The following KIF20B variants were observed in gnomAD, a reference collection of about 807,000 sequenced individuals.
The protein encoded by KIF20B is kinesin-like protein KIF20B.
KIF20B carries 188 observed loss-of-function variants against 232.5 expected under a neutral mutation model. That is an observed-to-expected ratio of 0.81 (90% confidence interval 0.72 to 0.91). The LOEUF is 0.91. KIF20B is among the 40% of genes least tolerant of loss of function. KIF20B has a pLI of 0.00. For missense variants in KIF20B, 2,154 were observed against 2,055.9 expected (o/e 1.05, Z -0.92); for synonymous variants, 712 against 683.0 (o/e 1.04, Z -0.66).
intron 29 of KIF20B, chr10:89,766,589 T>C (rs1284455155): frequency 6.6e-6 from 1 of 152,102 alleles, no homozygotes; most frequent in Non-Finnish European, 1.5e-5. Flanking sequence ...GTAATACTTA[T>C]TTTTAAAGTA....
intron 2 of KIF20B, among the ~76,000 whole-genome samples, chr10:89,708,474 G>C (rs1363412655): frequency 1.3e-5 from 2 of 152,132 alleles, no homozygotes; most frequent in African/African-American, 4.8e-5. Flanking sequence ...GCCTCCCAAA[G>C]TGTTGGGATT....
chr10:89,704,318 T>A (rs1842677688), intron 1 of KIF20B, among the ~76,000 whole-genome samples: 1 of 152,164 alleles, frequency 6.6e-6, no homozygotes, highest in African/African-American at 2.4e-5. Context: ...GTATTGTACA[T>A]CTAGTAGATT....
intron 18 of KIF20B, among the ~76,000 whole-genome samples, chr10:89,731,284 T>C (rs1238152805): frequency 1.3e-5 from 2 of 152,224 alleles, no homozygotes; most frequent in African/African-American, 4.8e-5. Flanking sequence ...TACCATAATA[T>C]ATTAGCAATA....
chr10:89,758,823 G>A lies in KIF20B; in HGVS notation c.4621G>A (p.Val1541Ile), dbSNP rs984746275. The stretch of plus-strand genomic sequence containing the variant: ...GCTAAAAGCACTGATATCCAGTAAT[G>A]TACAGAAAGATAATGAAATTGAACA... ...IQLKALISSN[V>I]QKDNEIEQLK... The change falls in exon 27 of 33, where the codon GTA (valine) becomes ATA (isoleucine). Residue 1541 changes from valine to isoleucine, a missense_variant. By Grantham distance (29) the Val-to-Ile change is conservative. Transcript: ENST00000371728. 5 of 1,600,436 alleles carry A rather than the reference G, an allele frequency of 3.1e-6. No individual in the cohort carries two copies. The highest frequency in any genetic ancestry group is 2.6e-6 in the Non-Finnish European group (3 of 1,173,578).
chr10:89,735,814 A>G (rs1484703854), intron 19 of KIF20B, among the ~76,000 whole-genome samples: 1 of 152,180 alleles, frequency 6.6e-6, no homozygotes, highest in Non-Finnish European at 1.5e-5. Flanking sequence ...CTGGGATTAC[A>G]GGCGTGAGCC....
chr10:89,716,562 C>T lies in KIF20B; in HGVS notation c.1052+15C>T. ...TCCAGTAGAAGGTAAAGAATAAACT[C>T]TGTAAGAGTAAACTCGAATCACCGA... is the stretch of plus-strand genomic sequence containing the variant. On this transcript the variant is annotated intron_variant, in intron 9 of 32. Transcript: ENST00000371728. 8.2e-7 allele frequency: 1 copy of T among 1,223,784 alleles called. No homozygotes were observed. Among genetic ancestry groups the T allele is most frequent in the Non-Finnish European group, 1.2e-6 (1 of 843,542 alleles). The allele number at this position is 1,223,784 out of a possible 1,614,324, so 75.8% of individuals were successfully genotyped here.
Position 89,738,601 on chromosome 10 carries a change from A to G in KIF20B, c.3760A>G (p.Arg1254Gly), listed in dbSNP as rs375682004. The G allele has an allele frequency of 3.2e-6, 5 of 1,553,718 alleles. No homozygotes were observed. Among genetic ancestry groups the G allele is most frequent in the Non-Finnish European group, 4.3e-6 (5 of 1,154,646 alleles). ...QLKEEEEETN[R>G]QETEKLKEEL... ...AAAAGAAGAAGAAGAAGAAACCAAC[A>G]GGCAAGAAACAGAAAAGTAAGCTAA... is the stretch of plus-strand genomic sequence containing the variant. Residue 1254 changes from arginine (R) to glycine (G), a missense_variant, in exon 20 of 33, where the codon AGG (arginine) becomes GGG (glycine). Coordinates refer to ENST00000371728, the MANE Select transcript of KIF20B (RefSeq NM_001284259.2).
At chr10:89,751,584 A>G in intron 24 of KIF20B, 113 bp downstream of exon 24, 7 of 1,012,956 alleles carry the variant, frequency 6.9e-6, no homozygotes, top group South Asian at 3.2e-5. Context: ...GATAATGGAA[A>G]AGTATTTGGT....
intron 1 of KIF20B, among the ~76,000 whole-genome samples, chr10:89,703,365 G>A (rs1422427746): frequency 6.6e-6 from 1 of 152,192 alleles, no homozygotes; most frequent in East Asian, 1.9e-4. Context: ...AAGATGGCAG[G>A]AATAAACAAG....
chr10:89,726,598 T>C (rs1456399904), intron 16 of KIF20B, 77 bp downstream of exon 16: 2 of 1,241,506 alleles, frequency 1.6e-6, no homozygotes, highest in East Asian at 5.3e-5. Flanking sequence ...AAGAGATTTA[T>C]GTAGCTCATT....
chr10:89,725,640 G>T (rs1038001096), intron 15 of KIF20B, among the ~76,000 whole-genome samples: 1 of 152,020 alleles, frequency 6.6e-6, no homozygotes, highest in Admixed American at 6.6e-5. Context: ...GGGTCTTGCC[G>T]TGTTACCCAG....
intron 1 of KIF20B, among the ~76,000 whole-genome samples, chr10:89,703,900 A>C (rs1464573016): frequency 6.6e-6 from 1 of 151,638 alleles, no homozygotes; most frequent in Non-Finnish European, 1.5e-5. Context: ...CTACAGGCGC[A>C]TGCCACCACA....
At position 89,714,982 on chromosome 10, in the gene KIF20B, CAG is replaced by C. The variant is rs1564658710; in HGVS notation, c.743_744del (p.Glu248ValfsTer2). On this transcript the variant is annotated frameshift_variant, in exon 8 of 33. Coordinates refer to ENST00000371728, the MANE Select transcript of KIF20B (RefSeq NM_001284259.2). LOFTEE classifies it high-confidence loss of function. ...AGTTTAACTAACTCTTTGAATATCT[CAG>C]AGTTTGAAGAATCCATAAAAGATTA... The C allele has an allele frequency of 6.3e-7, 1 of 1,576,080 alleles. No individual in the cohort carries two copies. The highest frequency in any genetic ancestry group is 2.3e-5 in the East Asian group (1 of 44,146).
intron 2 of KIF20B, among the ~76,000 whole-genome samples, chr10:89,706,975 CTG>C (rs1842736299): frequency 6.6e-6 from 1 of 152,096 alleles, no homozygotes; most frequent in Non-Finnish European, 1.5e-5. Flanking sequence ...TGCATTAAAT[CTG>C]TGGATCAGTT....
chr10:89,738,393 A>G lies in KIF20B; in HGVS notation c.3552A>G (p.Glu1184=). 6.2e-7 allele frequency: 1 copy of G among 1,602,434 alleles called. No individual in the cohort carries two copies. Among genetic ancestry groups the G allele is most frequent in the East Asian group, 2.2e-5 (1 of 44,744 alleles). ...KVECSHSAKL[E]QDILEKESII... is the part of the protein sequence containing the mutation. The stretch of plus-strand genomic sequence containing the variant: ...AATGTAGTCATTCAGCCAAGTTAGA[A>G]CAAGACATTTTGGAAAAGGAATCTA... The change falls in exon 20 of 33, where the codon GAA becomes GAG. Residue 1184 remains glutamate, a synonymous_variant. Coordinates refer to ENST00000371728, the MANE Select transcript of KIF20B (RefSeq NM_001284259.2).
At chr10:89,710,729 G>T (rs1842820390) in intron 5 of KIF20B, among the ~76,000 whole-genome samples, 1 of 152,120 alleles carries the variant, frequency 6.6e-6, no homozygotes, top group African/African-American at 2.4e-5. Flanking sequence ...TCTTAATATG[G>T]TTGCATTATC....
intron 6 of KIF20B, among the ~76,000 whole-genome samples, chr10:89,713,571 AC>A (rs2133089692): frequency 6.6e-6 from 1 of 152,232 alleles, no homozygotes; most frequent in South Asian, 2.1e-4. Flanking sequence ...TTAGGTGTAT[AC>A]TCCAAGGAAA....
At chr10:89,707,528 C>G (rs953201769) in intron 2 of KIF20B, among the ~76,000 whole-genome samples, 6 of 145,758 alleles carry the variant, frequency 4.1e-5, no homozygotes, top group African/African-American at 1.5e-4. Context: ...CCTTTTCTTT[C>G]CCCTCCTCTC....
At chr10:89,738,735 T>G in intron 20 of KIF20B, 118 bp downstream of exon 20, 1 of 1,287,776 alleles carries the variant, frequency 7.8e-7, no homozygotes, top group Non-Finnish European at 1.0e-6. Flanking sequence ...GTATGATGAG[T>G]GAAGAACTTG....
Sources: allele counts gnomAD v4.1 joint callset (sites outside exome capture counted in the v4.1 genomes callset), GRCh38; gene constraint gnomAD v4.1.1; transcripts MANE v1.5; gene names NCBI Gene and HGNC (gene_info 2026-07-23, HGNC 2026-07-21).